PDE1C: variants seen among roughly 807,000 people sequenced by gnomAD.
PDE1C encodes dual specificity calcium/calmodulin-dependent 3',5'-cyclic nucleotide phosphodiesterase 1C.
PDE1C carries 62 observed loss-of-function variants against 93.1 expected under a neutral mutation model. The observed-to-expected ratio is 0.67, with a 90% CI of 0.54 to 0.82. The LOEUF is 0.82. PDE1C is among the 40% of genes least tolerant of loss of function. PDE1C has a pLI of 0.00. For synonymous variants in PDE1C, 325 were observed against 310.1 expected, an observed-to-expected ratio of 1.05 and a Z score of -0.50; for missense variants, 742 against 884.6, an observed-to-expected ratio of 0.84 and a Z score of 2.04.
chr7:32,019,755 G>A (rs1000908648), intron 2 of PDE1C, among the ~76,000 whole-genome samples: 1 of 152,096 alleles, frequency 6.6e-6, no homozygotes, highest in African/African-American at 2.4e-5. Flanking sequence ...GAAACAAGGG[G>A]AGGGAAGGGT....
chr7:31,914,971 C>A (rs569795951), intron 2 of PDE1C, among the ~76,000 whole-genome samples: 13 of 152,298 alleles, frequency 8.5e-5, no homozygotes, highest in African/African-American at 3.1e-4. Flanking sequence ...CTAGTTCCTC[C>A]TACTTATCCT....
intron 2 of PDE1C, among the ~76,000 whole-genome samples, chr7:31,953,829 G>A (rs1174248424): frequency 6.6e-6 from 1 of 152,100 alleles, no homozygotes; most frequent in Admixed American, 6.5e-5. Flanking sequence ...GTCTTGTCCT[G>A]AGTTAGTAAA....
At chr7:32,178,193 G>A (rs570876075) in intron 2 of PDE1C, among the ~76,000 whole-genome samples, 3 of 152,274 alleles carry the variant, frequency 2.0e-5, no homozygotes, top group African/African-American at 7.2e-5. Context: ...TTCTGTGCTA[G>A]AAAATACAGC....
At chr7:32,084,882 A>T (rs1361400335) in intron 3 of PDE1C, among the ~76,000 whole-genome samples, 2 of 147,806 alleles carry the variant, frequency 1.4e-5, no homozygotes, top group African/African-American at 5.0e-5. Flanking sequence ...TAGCACTAAA[A>T]GCCCACAAGA....
At chr7:32,255,892 T>A (rs1209412264) in intron 1 of PDE1C, among the ~76,000 whole-genome samples, 1 of 152,164 alleles carries the variant, frequency 6.6e-6, no homozygotes, top group East Asian at 1.9e-4. Context: ...GGTGAGAAAT[T>A]CCTCATGAGG....
intron 16 of PDE1C, among the ~76,000 whole-genome samples, chr7:31,797,028 T>C (rs977836252): frequency 1.3e-5 from 2 of 151,774 alleles, no homozygotes; most frequent in South Asian, 2.1e-4. Flanking sequence ...GTCAAACTAC[T>C]TGAGAAAATA....
chr7:31,847,922 A>T, intron 9 of PDE1C, 46 bp downstream of exon 9: 1 of 1,605,094 alleles, frequency 6.2e-7, no homozygotes, highest in Non-Finnish European at 8.5e-7. Context: ...TCCAACTTCA[A>T]AGTTCCTTCC....
rs80229662 is a variant in PDE1C, at chr7:32,265,807, A to T, written c.85+32844T>A. 2.7e-3 allele frequency among the ~76,000 whole-genome samples: 405 copies of T among 152,288 alleles called. 1 individual carries two copies. Among genetic ancestry groups the T allele is most frequent in the African/African-American group, 9.2e-3 (383 of 41,556 alleles). On this transcript the variant is annotated intron_variant, in intron 1 of 18. Coordinates refer to the PDE1C transcript ENST00000396193. ...AGAACACTTGGTATTACGCATGTTC[A>T]CAGAAGGAAGACATCACTTCCAATG...
At chr7:32,096,304 T>C (rs186655836) in intron 3 of PDE1C, among the ~76,000 whole-genome samples, 4 of 152,298 alleles carry the variant, frequency 2.6e-5, no homozygotes, top group Admixed American at 2.6e-4. Context: ...GAGGAAGAAC[T>C]AGTGCGTTTT....
chr7:32,143,385 C>G (rs1294911159), intron 3 of PDE1C, among the ~76,000 whole-genome samples: 1 of 151,140 alleles, frequency 6.6e-6, no homozygotes, highest in Non-Finnish European at 1.5e-5. Context: ...ACCTAGGGAA[C>G]AGCGAGAAGG....
chr7:31,672,790 G>A, the PDE1C span, among the ~76,000 whole-genome samples: 2 of 152,186 alleles, frequency 1.3e-5, no homozygotes, highest in Non-Finnish European at 2.9e-5. Flanking sequence ...GGGTGATATG[G>A]TTTGGCTCTG....
At chr7:32,303,835 T>C (rs957201195), upstream of PDE1C, among the ~76,000 whole-genome samples, 11 of 152,168 alleles carry the variant, frequency 7.2e-5, no homozygotes, top group African/African-American at 2.7e-4. Flanking sequence ...CTTAAGTACC[T>C]GCCTTTAGTG....
chr7:32,329,042 G>C (rs770690211), intron 1 of PDE1C, among the ~76,000 whole-genome samples: 1 of 152,052 alleles, frequency 6.6e-6, no homozygotes, highest in African/African-American at 2.4e-5. Flanking sequence ...GACCAGCCTG[G>C]GCAACACGGC....
At chr7:31,698,102 G>A in the PDE1C span, among the ~76,000 whole-genome samples, 10 of 152,268 alleles carry the variant, frequency 6.6e-5, no homozygotes, top group African/African-American at 2.4e-4. Context: ...TCTGTGCTGT[G>A]GTTTGGAATC....
intron 16 of PDE1C, among the ~76,000 whole-genome samples, chr7:31,781,653 TG>T (rs1783419369): frequency 6.6e-6 from 1 of 151,932 alleles, no homozygotes; most frequent in Non-Finnish European, 1.5e-5. Flanking sequence ...CTTCAGGCTG[TG>T]GGAACACTGA....
intron 11 of PDE1C, among the ~76,000 whole-genome samples, chr7:31,833,231 T>C (rs978416838): frequency 3.3e-5 from 5 of 152,206 alleles, no homozygotes; most frequent in African/African-American, 1.2e-4. Flanking sequence ...TCCACCACAG[T>C]TGTGAGGCTT....
chr7:32,037,033 A>G (rs1417096664), intron 2 of PDE1C, among the ~76,000 whole-genome samples: 3 of 152,188 alleles, frequency 2.0e-5, no homozygotes, highest in African/African-American at 4.8e-5. Context: ...TCACTGATGC[A>G]TTCTATCAAT....
chr7:32,303,730 A>G (rs1012546128), upstream of PDE1C, among the ~76,000 whole-genome samples: 3 of 152,076 alleles, frequency 2.0e-5, no homozygotes, highest in Non-Finnish European at 2.9e-5. Flanking sequence ...ACCAAATTCT[A>G]TTTCCACAAA....
At chr7:32,069,537 C>A (rs1203658170) in intron 1 of PDE1C, among the ~76,000 whole-genome samples, 1 of 151,960 alleles carries the variant, frequency 6.6e-6, no homozygotes, top group African/African-American at 2.4e-5. Flanking sequence ...ACTGGAGTGA[C>A]CAGCAGTTCA....
Sources: allele counts gnomAD v4.1 joint callset (sites outside exome capture counted in the v4.1 genomes callset), GRCh38; gene constraint gnomAD v4.1.1; transcripts MANE v1.5; gene names NCBI Gene and HGNC (gene_info 2026-07-23, HGNC 2026-07-21).